GLYATL2: variants seen among roughly 807,000 people sequenced by gnomAD.
The protein encoded by GLYATL2 is glycine-N-acyltransferase like 2.
A neutral mutation model predicts 21.4 loss-of-function variants in GLYATL2; 25 were observed. The ratio of observed to expected loss-of-function variants is 1.17; its 90% CI spans 0.85 to 1.63. GLYATL2 has a LOEUF of 1.63. GLYATL2 is among the 40% of genes most tolerant of loss of function. The pLI is 0.00. For synonymous variants in GLYATL2, 114 were observed against 118.2 expected (o/e 0.96, Z 0.23); for missense variants, 361 against 343.3 (o/e 1.05, Z -0.41).
chr11:58,905,303 C>T (rs1370756831), upstream of GLYATL2: 2 of 382,596 alleles, frequency 5.2e-6, no homozygotes, highest in African/African-American at 4.2e-5. Context: ...GACGCGGGTG[C>T]AGCCTGCTCT....
chr11:58,864,972 A>G (rs1323031979), intron 1 of GLYATL2, among the ~76,000 whole-genome samples: 1 of 148,970 alleles, frequency 6.7e-6, no homozygotes, highest in Non-Finnish European at 1.5e-5. Flanking sequence ...ACATATATAC[A>G]CACAATAATA....
chr11:58,897,928 AT>A (rs1281645448), intron 1 of GLYATL2, among the ~76,000 whole-genome samples: 1 of 152,060 alleles, frequency 6.6e-6, no homozygotes, highest in Non-Finnish European at 1.5e-5. Flanking sequence ...CCCCATATAC[AT>A]TTTTTTCTTT....
intron 1 of GLYATL2, among the ~76,000 whole-genome samples, chr11:58,858,904 T>C (rs1252629829): frequency 1.3e-5 from 2 of 152,184 alleles, no homozygotes; most frequent in East Asian, 1.9e-4. Flanking sequence ...TCTCCCCTTA[T>C]CCCTCATTTG....
intron 1 of GLYATL2, among the ~76,000 whole-genome samples, chr11:58,891,598 C>T (rs973453213): frequency 8.5e-5 from 13 of 152,332 alleles, no homozygotes; most frequent in African/African-American, 3.1e-4. Context: ...AACCCAGCCC[C>T]TTTCCCTCCA....
intron 1 of GLYATL2, among the ~76,000 whole-genome samples, chr11:58,872,662 G>A (rs1052852532): frequency 6.6e-6 from 1 of 152,250 alleles, no homozygotes; most frequent in African/African-American, 2.4e-5. Flanking sequence ...TTTGGTGCCA[G>A]CACCGTGCTG....
chr11:58,836,123 T>A (rs1316805182), intron 5 of GLYATL2, among the ~76,000 whole-genome samples: 2 of 152,240 alleles, frequency 1.3e-5, no homozygotes, highest in Non-Finnish European at 2.9e-5. Context: ...AATGCCAACA[T>A]ATTTTTTACA....
At chr11:58,894,513 T>C (rs1328246432) in intron 1 of GLYATL2, among the ~76,000 whole-genome samples, 1 of 148,510 alleles carries the variant, frequency 6.7e-6, no homozygotes, top group African/African-American at 2.5e-5. Context: ...TTCTTTCTGA[T>C]AATCTAGATT....
At chr11:58,887,210 A>C (rs745604659) in intron 1 of GLYATL2, among the ~76,000 whole-genome samples, 2 of 152,232 alleles carry the variant, frequency 1.3e-5, no homozygotes, top group Non-Finnish European at 2.9e-5. Flanking sequence ...TCAATAAACA[A>C]AAATATGAAA....
At position 58,834,323 on chromosome 11, in the gene GLYATL2, T is replaced by A; in HGVS notation, c.*106A>T. 1 of 865,098 alleles carries A rather than the reference T, an allele frequency of 1.2e-6. No homozygotes were observed. Among genetic ancestry groups the A allele is most frequent in the Non-Finnish European group, 1.7e-6 (1 of 571,556 alleles). 53.6% of individuals were successfully genotyped at this position (865,098 alleles called of 1,614,324 possible). Reference sequence around the variant, plus strand: ...AGGGTGAGCTTAAGTAATACACAGATCCTAGATAATCAGTTGCATTTTGTG... The same window carrying A: ...AGGGTGAGCTTAAGTAATACACAGAACCTAGATAATCAGTTGCATTTTGTG... On this transcript the variant is annotated 3_prime_UTR_variant, in exon 6 of 6. Coordinates refer to ENST00000287275, the MANE Select transcript of GLYATL2 (RefSeq NM_145016.4).
At chr11:58,905,778 G>A (rs2134635186), upstream of GLYATL2, 5 of 385,712 alleles carry the variant, frequency 1.3e-5, no homozygotes, top group South Asian at 9.6e-5. Context: ...CCCTCGGCCT[G>A]GCCGTCTGAC....
chr11:58,850,754 TTCCCCAGGGGAGTTTA>T (rs1853726901), intron 1 of GLYATL2, among the ~76,000 whole-genome samples: 1 of 151,978 alleles, frequency 6.6e-6, no homozygotes, highest in East Asian at 1.9e-4. Context: ...GAGTCTCCCT[TTCCCCAGGGGAGTTTA>T]GAGAAGACTC....
At position 58,834,734 on chromosome 11, in the gene GLYATL2, G is replaced by A. The variant is rs745522716; in HGVS notation, c.580C>T (p.Arg194Cys). ...AATCCTAGAAAATCCTGGAGGCAGC[G>A]TTCAATATATTTCAAGCTCCTCTCA... Reference protein sequence around the residue: ...KNERSLKYIERCLQDFLGFGV... With the variant: ...KNERSLKYIECCLQDFLGFGV... Residue 194 changes from arginine (R) to cysteine (C), a missense_variant, in exon 6 of 6, where the codon CGC becomes TGC. Transcript: ENST00000287275. 1.7e-5 allele frequency: 27 copies of A among 1,613,692 alleles called. No homozygotes were observed. Among genetic ancestry groups the A allele is most frequent in the South Asian group, 1.2e-4 (11 of 91,066 alleles).
At chr11:58,849,263 A>T, upstream of GLYATL2, among the ~76,000 whole-genome samples, 1 of 152,198 alleles carries the variant, frequency 6.6e-6, no homozygotes, top group East Asian at 1.9e-4. Context: ...CTCACAGGTA[A>T]TAATAAGTAC....
chr11:58,871,951 T>C (rs1455346133), intron 1 of GLYATL2, among the ~76,000 whole-genome samples: 1 of 152,180 alleles, frequency 6.6e-6, no homozygotes, highest in Non-Finnish European at 1.5e-5. Flanking sequence ...ACCTGTTGTT[T>C]CCTGACTTTT....
chr11:58,847,194 G>A (rs1453750705), upstream of GLYATL2, among the ~76,000 whole-genome samples: 1 of 152,036 alleles, frequency 6.6e-6, no homozygotes, highest in Non-Finnish European at 1.5e-5. Flanking sequence ...CAGTACCCAT[G>A]TACTATTAGT....
Position 58,879,722 on chromosome 11 carries a change from G to C in GLYATL2, n.60+24434C>G, listed in dbSNP as rs560850970. On this transcript the variant is annotated intron_variant and non_coding_transcript_variant, in intron 1 of 4. Coordinates refer to the GLYATL2 transcript ENST00000533636. Reference sequence around the variant, plus strand: ...TTTAATGGGTACAGTTTCTGTTTGAGATGACAAAAACATTCTGGAAATGGA... The same window carrying C: ...TTTAATGGGTACAGTTTCTGTTTGACATGACAAAAACATTCTGGAAATGGA... 1.4e-4 allele frequency among the ~76,000 whole-genome samples: 22 copies of C among 152,268 alleles called. 2 individuals are homozygous for C. The highest frequency in any genetic ancestry group is 4.8e-4 in the African/African-American group (20 of 41,550).
chr11:58,867,935 C>T (rs1235900881), intron 1 of GLYATL2, among the ~76,000 whole-genome samples: 1 of 148,872 alleles, frequency 6.7e-6, no homozygotes, highest in African/African-American at 2.4e-5. Flanking sequence ...TCCAGCCTTA[C>T]CCCACTGCAT....
chr11:58,853,077 C>T (rs765515633), intron 1 of GLYATL2, among the ~76,000 whole-genome samples: 2 of 152,154 alleles, frequency 1.3e-5, no homozygotes, highest in Admixed American at 1.3e-4. Context: ...CATAGTTTTA[C>T]CACTGCCATT....
At chr11:58,841,734 C>T (rs925187875) in intron 1 of GLYATL2, among the ~76,000 whole-genome samples, 10 of 152,160 alleles carry the variant, frequency 6.6e-5, no homozygotes, top group African/African-American at 2.4e-4. Flanking sequence ...AGCATTCTGC[C>T]CATTCTGCAG....
Sources: gnomAD v4.1 joint callset for allele counts (sites outside exome capture counted in the v4.1 genomes callset) on GRCh38, gnomAD v4.1.1 for gene constraint, MANE v1.5 for transcripts, NCBI Gene and HGNC (gene_info 2026-07-23, HGNC 2026-07-21) for gene names.